The following CPLANE1 variants were observed in gnomAD, a reference collection of about 807,000 sequenced individuals.
CPLANE1 encodes ciliogenesis and planar polarity effector complex subunit 1, also known as ciliogenesis and planar polarity effector 1.
CPLANE1 carries 263 observed loss-of-function variants against 362.5 expected under a neutral mutation model. That is an observed-to-expected ratio of 0.73 (90% CI 0.66 to 0.80). The LOEUF (loss-of-function observed/expected upper bound fraction) is 0.80, where lower values mean the gene tolerates loss of function less well. CPLANE1 is among the 30% of genes least tolerant of loss of function. The pLI, the probability that CPLANE1 is intolerant of heterozygous loss-of-function variation, is 0.00. For synonymous variants in CPLANE1, 1,212 were observed against 1,302.6 expected (o/e 0.93, Z 1.50); for missense variants, 3,461 against 3,793.4 (o/e 0.91, Z 2.30).
intron 30 of CPLANE1, 110 bp downstream of exon 30, chr5:37,177,511 A>G (rs1781502606): frequency 1.3e-6 from 1 of 764,368 alleles, no homozygotes; most frequent in African/African-American, 1.7e-5. Flanking sequence ...CAGTTTCACT[A>G]GAAACACAAT....
intron 41 of CPLANE1, 110 bp from the exon 42 acceptor site, chr5:37,154,103 C>A: frequency 1.1e-6 from 1 of 916,492 alleles, no homozygotes; most frequent in Non-Finnish European, 1.6e-6. Context: ...CACTACTTTC[C>A]AAATCAGTTT....
At chr5:37,206,682 T>C (rs567257301) in intron 16 of CPLANE1, among the ~76,000 whole-genome samples, 2 of 151,960 alleles carry the variant, frequency 1.3e-5, no homozygotes, top group East Asian at 1.9e-4. Flanking sequence ...CAAAACAGAA[T>C]AGAAAGTATC....
intron 46 of CPLANE1, among the ~76,000 whole-genome samples, chr5:37,128,928 C>G (rs567348024): frequency 6.6e-6 from 1 of 151,636 alleles, no homozygotes. Flanking sequence ...CATATGGAAC[C>G]AAAAAAGAGC....
chr5:37,097,308 C>CA, the CPLANE1 span, among the ~76,000 whole-genome samples: 3,249 of 152,070 alleles, frequency 0.021, 129 homozygotes, highest in African/African-American at 0.075. Flanking sequence ...ACAACAATAA[C>CA]AAAAAACCCC....
chr5:37,112,588 G>A (rs917706069), intron 51 of CPLANE1, among the ~76,000 whole-genome samples: 5 of 152,296 alleles, frequency 3.3e-5, no homozygotes, highest in South Asian at 2.1e-4. Flanking sequence ...TCTCTAGGAC[G>A]GTGGGCACTG....
the CPLANE1 span, among the ~76,000 whole-genome samples, chr5:37,097,922 A>T: frequency 3.9e-5 from 6 of 152,350 alleles, no homozygotes; most frequent in East Asian, 1.2e-3. Flanking sequence ...AAACAACAAC[A>T]GTAAAAAGAC....
intron 6 of CPLANE1, among the ~76,000 whole-genome samples, chr5:37,240,657 C>T (rs983940475): frequency 6.6e-6 from 1 of 152,090 alleles, no homozygotes; most frequent in African/African-American, 2.4e-5. Context: ...CCAACCAGGC[C>T]CCACCTCCAA....
chr5:37,084,458 T>C, the CPLANE1 span, among the ~76,000 whole-genome samples: 1 of 152,118 alleles, frequency 6.6e-6, no homozygotes, highest in African/African-American at 2.4e-5. Flanking sequence ...TAACAGTGAA[T>C]GTAAATGGCC....
chr5:37,193,839 A>G (rs1786384087), intron 21 of CPLANE1, among the ~76,000 whole-genome samples: 1 of 152,034 alleles, frequency 6.6e-6, no homozygotes, highest in South Asian at 2.1e-4. Flanking sequence ...CCTGGGCGCA[A>G]GGAATCCTCC....
At chr5:37,247,447 C>T (rs1231531497) in intron 2 of CPLANE1, among the ~76,000 whole-genome samples, 171 bp downstream of exon 2, 4 of 152,112 alleles carry the variant, frequency 2.6e-5, no homozygotes, top group Admixed American at 2.0e-4. Context: ...ATAATAAAAA[C>T]GAAACACACA....
chr5:37,132,636 C>T (rs977208550), intron 46 of CPLANE1, among the ~76,000 whole-genome samples: 6 of 152,010 alleles, frequency 3.9e-5, no homozygotes, highest in Non-Finnish European at 5.9e-5. Context: ...GTTGAGCCAC[C>T]GCCCCCAGCC....
At chr5:37,237,242 A>G (rs1349448049) in intron 8 of CPLANE1, among the ~76,000 whole-genome samples, 1 of 152,246 alleles carries the variant, frequency 6.6e-6, no homozygotes, top group Non-Finnish European at 1.5e-5. Context: ...GTGTATATAT[A>G]TGTATCATGG....
At chr5:37,231,489 C>A (rs1194444256) in intron 8 of CPLANE1, among the ~76,000 whole-genome samples, 1 of 152,152 alleles carries the variant, frequency 6.6e-6, no homozygotes, top group Non-Finnish European at 1.5e-5. Context: ...ATGGCTTGAA[C>A]TGGGGAGGCA....
downstream of CPLANE1, among the ~76,000 whole-genome samples, chr5:37,102,439 C>T (rs181118763): frequency 3.6e-3 from 553 of 152,232 alleles, 2 homozygotes; most frequent in African/African-American, 0.012. Context: ...CCACCCACCT[C>T]GGCCTCCCAA....
rs778345084 is a variant in CPLANE1 at position 37,157,717 on chromosome 5, G to A, written c.7964C>T (p.Ala2655Val). 3.0e-5 allele frequency: 49 copies of A among 1,613,796 alleles called. 1 individual carries two copies. The highest frequency in any genetic ancestry group is 4.2e-5 in the Non-Finnish European group (49 of 1,179,934). ...VPSSAELHYM[A>V]ASVTNAVPPH... ...GGGAACAGCATTAGTAACTGAAGCTGCCATATAATGTAACTCTGCAGACGA... is the reference window on the plus strand; with the variant it reads ...GGGAACAGCATTAGTAACTGAAGCTACCATATAATGTAACTCTGCAGACGA... Residue 2655 changes from alanine (A) to valine (V), a missense_variant, in exon 40 of 53, where the codon GCA (alanine) becomes GTA (valine). Ala to Val is a moderately conservative substitution (Grantham distance 64). This residue lies in a region of CPLANE1 where 3,380 missense variants were observed against 3,666.1 expected (regional missense o/e 0.92). Transcript: ENST00000651892.
At chr5:37,175,869 A>G (rs752482625) in intron 31 of CPLANE1, 40 bp downstream of exon 31, 4 of 1,369,718 alleles carry the variant, frequency 2.9e-6, no homozygotes, top group Non-Finnish European at 1.0e-6. Context: ...TTTGTAAAAC[A>G]CAACTATTTT....
intron 27 of CPLANE1, among the ~76,000 whole-genome samples, chr5:37,180,552 T>A (rs1782408189): frequency 6.6e-6 from 1 of 152,168 alleles, no homozygotes; most frequent in Admixed American, 6.5e-5. Context: ...ATGTTACTCC[T>A]AGCATTGCTT....
intron 2 of CPLANE1, chr5:37,246,073 T>A: frequency 3.3e-6 from 1 of 302,052 alleles, no homozygotes; most frequent in Admixed American, 5.1e-5. Context: ...AGTAGTTGTA[T>A]TTCAATTTCT....
the CPLANE1 span, among the ~76,000 whole-genome samples, chr5:37,100,166 AT>A: frequency 3.9e-5 from 6 of 152,122 alleles, no homozygotes; most frequent in African/African-American, 1.4e-4. Flanking sequence ...TAGCATTTTC[AT>A]TGTGAAATCT....
Sources: allele counts gnomAD v4.1 joint callset (sites outside exome capture counted in the v4.1 genomes callset), GRCh38; gene constraint gnomAD v4.1.1; regional missense constraint gnomAD v4.1.1; transcripts MANE v1.5; gene names NCBI Gene and HGNC (gene_info 2026-07-23, HGNC 2026-07-21).